The following NRG3 variants were observed in gnomAD, a reference collection of about 807,000 sequenced individuals.
The protein encoded by NRG3 is pro-neuregulin-3, membrane-bound isoform.
A neutral mutation model predicts 66.9 loss-of-function variants in NRG3; 31 were observed. The ratio of observed to expected loss-of-function variants is 0.46; its 90% CI spans 0.35 to 0.63. The LOEUF is 0.63. Ranked by LOEUF, NRG3 falls within the 20% of genes least tolerant of loss-of-function variation. NRG3 has a pLI of 0.00. For synonymous variants in NRG3, 393 were observed against 359.4 expected (o/e 1.09, Z -1.06); for missense variants, 910 against 878.9 (o/e 1.04, Z -0.45).
chr10:82,110,131 A>G (rs925437509), intron 1 of NRG3, among the ~76,000 whole-genome samples: 7 of 152,296 alleles, frequency 4.6e-5, no homozygotes, highest in East Asian at 3.9e-4. Flanking sequence ...GGAGGCTACA[A>G]TTGGAATACC....
chr10:82,001,937 A>G (rs777907897), intron 1 of NRG3, among the ~76,000 whole-genome samples: 1 of 152,184 alleles, frequency 6.6e-6, no homozygotes, highest in Non-Finnish European at 1.5e-5. Flanking sequence ...ACAACTAACA[A>G]CTTCAACAAT....
At chr10:82,440,421 G>T (rs1590139350) in intron 2 of NRG3, among the ~76,000 whole-genome samples, 1 of 96,946 alleles carries the variant, frequency 1.0e-5, no homozygotes, top group African/African-American at 4.4e-5. Flanking sequence ...CTATACTTTT[G>T]GGCTTTTTGC....
At chr10:82,509,240 AT>A (rs937272769) in intron 2 of NRG3, among the ~76,000 whole-genome samples, 4 of 152,014 alleles carry the variant, frequency 2.6e-5, no homozygotes, top group African/African-American at 9.7e-5. Context: ...TTCTTATTTT[AT>A]TTTAAGTTCA....
At chr10:82,747,621 C>A (rs534128761) in intron 3 of NRG3, among the ~76,000 whole-genome samples, 19 of 152,032 alleles carry the variant, frequency 1.2e-4, no homozygotes, top group Admixed American at 4.6e-4. Flanking sequence ...TGGTCAGTTT[C>A]ATTTGTACCT....
Position 81,990,691 on chromosome 10 carries a change from G to A in NRG3, c.823+114528G>A, listed in dbSNP as rs147463700. ...CTGGAAGGTTTTCGATGGAATTCCCGGAAAAGAGACTTATAGCAGCCATAT... is the reference window on the plus strand; with the variant it reads ...CTGGAAGGTTTTCGATGGAATTCCCAGAAAAGAGACTTATAGCAGCCATAT... On this transcript the variant is annotated intron_variant, in intron 1 of 8. Coordinates refer to ENST00000372141, the MANE Select transcript of NRG3 (RefSeq NM_001010848.4). 3.2e-4 allele frequency among the ~76,000 whole-genome samples: 48 copies of A among 152,024 alleles called. No individual in the cohort carries two copies. In the East Asian group the frequency reaches 7.5e-3, roughly 24 times the overall value.
rs562321112 is a variant in NRG3 at position 81,916,724 on chromosome 10, C to T, written c.823+40561C>T. Among the ~76,000 whole-genome samples the T allele has an allele frequency of 9.9e-5, 15 of 152,232 alleles. No homozygotes were observed. In the South Asian group the frequency reaches 3.1e-3, roughly 32 times the overall value. On this transcript the variant is annotated intron_variant, in intron 1 of 8. Transcript: ENST00000372141. ...AAGGGCAGGCATTGCTAATTACAGG[C>T]CTTGATTTGTATTTGAGGCACATCT...
At chr10:82,477,877 TC>T (rs560517975) in intron 2 of NRG3, among the ~76,000 whole-genome samples, 5 of 152,184 alleles carry the variant, frequency 3.3e-5, no homozygotes, top group African/African-American at 1.2e-4. Context: ...GTGCCAAGAC[TC>T]CGGGAGAGTC....
At chr10:82,317,639 A>G (rs1564788913) in intron 1 of NRG3, among the ~76,000 whole-genome samples, 1 of 152,200 alleles carries the variant, frequency 6.6e-6, no homozygotes, top group Non-Finnish European at 1.5e-5. Context: ...ATACTGCTTC[A>G]AGAGTGCTGG....
At chr10:82,040,686 C>T (rs1307815572) in intron 1 of NRG3, among the ~76,000 whole-genome samples, 2 of 151,914 alleles carry the variant, frequency 1.3e-5, no homozygotes, top group Non-Finnish European at 2.9e-5. Context: ...TGTTGTCACA[C>T]CCTAGGAAGG....
intron 6 of NRG3, among the ~76,000 whole-genome samples, chr10:82,965,962 T>A (rs781279942): frequency 2.1e-4 from 32 of 152,302 alleles, no homozygotes; most frequent in Non-Finnish European, 4.0e-4. Context: ...TGTACTTTTT[T>A]AATCATTTAT....
chr10:82,552,635 A>T (rs1342889439), intron 2 of NRG3, among the ~76,000 whole-genome samples: 3 of 152,140 alleles, frequency 2.0e-5, no homozygotes, highest in Middle Eastern at 3.2e-3. Flanking sequence ...TAAAACTGCA[A>T]TAGAAGTCAG....
At chr10:82,710,586 C>CAA (rs59857324) in intron 2 of NRG3, among the ~76,000 whole-genome samples, 1,136 of 73,458 alleles carry the variant, frequency 0.015, 66 homozygotes, top group Non-Finnish European at 0.018. Context: ...GACTCCATCT[C>CAA]AAAAAAAAAA....
intron 1 of NRG3, among the ~76,000 whole-genome samples, chr10:82,049,945 G>T (rs886407662): frequency 6.6e-6 from 1 of 152,014 alleles, no homozygotes; most frequent in Non-Finnish European, 1.5e-5. Context: ...TGTTGAATTT[G>T]CAGGAATGAC....
rs1022405481 is a variant in NRG3 at position 81,875,312 on chromosome 10, G to A, written c.-29G>A. ...CCCATGCCTCTGCCGCGGCCCTCGG[G>A]GGGGCGAAGGTGAAGACCGGCTCCT... On this transcript the variant is annotated 5_prime_UTR_variant, in exon 1 of 9. Coordinates refer to ENST00000372141, the MANE Select transcript of NRG3 (RefSeq NM_001010848.4). This position sits in a 1 kb window ranked among gnomAD's most constrained non-coding sequence, Gnocchi z 5.3. The A allele has an allele frequency of 1.4e-5, 14 of 984,302 alleles. No individual in the cohort carries two copies. The highest frequency in any genetic ancestry group is 9.1e-5 in the South Asian group (2 of 22,096). 61.0% of individuals were successfully genotyped at this position (984,302 alleles called of 1,614,324 possible). A position where few individuals can be genotyped will look rare whatever the true frequency, so the allele number is the denominator to read the frequency against.
At chr10:82,223,450 G>A (rs910696738) in intron 1 of NRG3, among the ~76,000 whole-genome samples, 2 of 152,044 alleles carry the variant, frequency 1.3e-5, no homozygotes, top group African/African-American at 4.8e-5. Context: ...TATTCCTGGT[G>A]GGTATTTACT....
At chr10:82,934,197 A>G (rs1332590918) in intron 4 of NRG3, among the ~76,000 whole-genome samples, 2 of 152,260 alleles carry the variant, frequency 1.3e-5, no homozygotes, top group Non-Finnish European at 2.9e-5. Context: ...GGCATGTAGA[A>G]AAAACAGCAA....
At chr10:82,129,300 A>G (rs1317592734) in intron 1 of NRG3, among the ~76,000 whole-genome samples, 1 of 149,622 alleles carries the variant, frequency 6.7e-6, no homozygotes, top group Non-Finnish European at 1.5e-5. Flanking sequence ...CACAGTTCAC[A>G]TTCAATTTCC....
chr10:82,761,966 TTC>T (rs911037472), intron 3 of NRG3, among the ~76,000 whole-genome samples: 6 of 148,824 alleles, frequency 4.0e-5, no homozygotes, highest in African/African-American at 1.5e-4. Context: ...CTTTCTTTCT[TTC>T]TTTCTTTTCT....
At chr10:82,392,665 T>C (rs1041170012) in intron 2 of NRG3, among the ~76,000 whole-genome samples, 10 of 152,174 alleles carry the variant, frequency 6.6e-5, no homozygotes, top group Admixed American at 4.6e-4. Context: ...ACAGTGTTCA[T>C]TGCAATATCT....
Sources: allele counts gnomAD v4.1 joint callset (sites outside exome capture counted in the v4.1 genomes callset), GRCh38; gene constraint gnomAD v4.1.1; non-coding constraint Gnocchi (gnomAD v3.1); transcripts MANE v1.5; gene names NCBI Gene and HGNC (gene_info 2026-07-23, HGNC 2026-07-21).